The following AGTPBP1 variants were observed in gnomAD, a reference collection of about 807,000 sequenced individuals.
AGTPBP1 encodes ATP/GTP binding carboxypeptidase 1.
AGTPBP1 carries 70 observed loss-of-function variants against 143.9 expected under a neutral mutation model. The ratio of observed to expected loss-of-function variants is 0.49; its 90% confidence interval spans 0.40 to 0.59. The LOEUF (loss-of-function observed/expected upper bound fraction) is 0.59. AGTPBP1 is among the 20% of genes least tolerant of loss of function. The pLI is 0.00. For missense variants in AGTPBP1, 1,229 were observed against 1,464.5 expected (o/e 0.84, Z 2.62); for synonymous variants, 463 against 500.2 (o/e 0.93, Z 0.99).
chr9:85,639,266 A>G (rs1248755873), intron 13 of AGTPBP1, among the ~76,000 whole-genome samples: 2 of 152,198 alleles, frequency 1.3e-5, no homozygotes, highest in South Asian at 2.1e-4. Flanking sequence ...CTAAACATCA[A>G]AATTACTGCT....
At chr9:85,660,843 T>C (rs62569187) in intron 9 of AGTPBP1, 93 bp downstream of exon 9, 20,372 of 1,003,914 alleles carry the variant, frequency 0.02, 249 homozygotes, top group Middle Eastern at 0.031. Context: ...GCTTTATAAC[T>C]ATAGTCTAAA....
At chr9:85,564,218 G>A (rs758954632) in intron 25 of AGTPBP1, among the ~76,000 whole-genome samples, 10 of 152,254 alleles carry the variant, frequency 6.6e-5, no homozygotes, top group African/African-American at 9.6e-5. Context: ...AAGGTGGAAC[G>A]GCAGCCCCAG....
the AGTPBP1 span, among the ~76,000 whole-genome samples, chr9:85,783,459 G>C: frequency 6.6e-6 from 1 of 152,036 alleles, no homozygotes; most frequent in African/African-American, 2.4e-5. Flanking sequence ...TGGGGATATA[G>C]CTTACACTAT....
At chr9:85,702,859 G>T (rs1424714526) in intron 2 of AGTPBP1, among the ~76,000 whole-genome samples, 2 of 151,852 alleles carry the variant, frequency 1.3e-5, no homozygotes, top group African/African-American at 4.8e-5. Context: ...CATGCTATTG[G>T]TTTACATAAT....
chr9:85,619,257 T>C lies in AGTPBP1; in HGVS notation c.2144A>G (p.Lys715Arg). 1.2e-6 allele frequency: 2 copies of C among 1,613,236 alleles called. No homozygotes were observed. Among genetic ancestry groups the C allele is most frequent in the South Asian group, 2.2e-5 (2 of 90,936 alleles). Reference sequence around the variant, plus strand: ...TTTGCGCAGATTCCCAGACTCAAATTTGGAGTTAAATTTCAAAATATCTCC... The same window carrying C: ...TTTGCGCAGATTCCCAGACTCAAATCTGGAGTTAAATTTCAAAATATCTCC... ...EEGDILKFNS[K>R]FESGNLRKVI... Residue 715 changes from lysine (K) to arginine (R), a missense_variant, in exon 16 of 26, where the codon AAA becomes AGA. Physicochemically the swap from Lys to Arg is conservative, Grantham distance 26 (BLOSUM62 2). Around this residue, in one of 2 missense-constraint regions of AGTPBP1, gnomAD observed 486 missense variants for 652.3 expected, o/e 0.75. Transcript: ENST00000357081.
At chr9:85,798,458 C>A in the AGTPBP1 span, among the ~76,000 whole-genome samples, 1 of 151,534 alleles carries the variant, frequency 6.6e-6, no homozygotes, top group Admixed American at 6.6e-5. Context: ...ACCTCCGCCT[C>A]CTGGGTTCAA....
At chr9:85,650,555 T>C (rs1833101398) in intron 11 of AGTPBP1, among the ~76,000 whole-genome samples, 1 of 152,216 alleles carries the variant, frequency 6.6e-6, no homozygotes, top group African/African-American at 2.4e-5. Context: ...GTAAGGTTTC[T>C]GGTCAACAGG....
At chr9:85,650,494 G>A (rs557184300) in intron 11 of AGTPBP1, among the ~76,000 whole-genome samples, 5 of 152,134 alleles carry the variant, frequency 3.3e-5, no homozygotes, top group Non-Finnish European at 5.9e-5. Context: ...TTACTTTGTT[G>A]TACAGAATAC....
chr9:85,747,803 T>C, the AGTPBP1 span, among the ~76,000 whole-genome samples: 1 of 152,088 alleles, frequency 6.6e-6, no homozygotes, highest in African/African-American at 2.4e-5. Flanking sequence ...AAAGAACTGG[T>C]AATAATAATA....
rs1242872325 is a variant in AGTPBP1 at position 85,655,189 on chromosome 9, A to C, written c.1041T>G (p.Ile347Met). The C allele has an allele frequency of 6.2e-7, 1 of 1,613,666 alleles. No individual in the cohort carries two copies. The highest frequency in any genetic ancestry group is 1.1e-5 in the South Asian group (1 of 90,992). ...KSSFHFQLPVIPVTGPVAQLY... is the reference protein window; with the variant it reads ...KSSFHFQLPVMPVTGPVAQLY... ...GCTGAGCCACAGGACCAGTCACAGG[A>C]ATAACAGGCAACTGGAAATGAAAAG... The change falls in exon 11 of 26, where the codon ATT becomes ATG. Residue 347 changes from isoleucine to methionine, a missense_variant. Coordinates refer to ENST00000357081, the MANE Select transcript of AGTPBP1 (RefSeq NM_001330701.2).
At chr9:85,716,009 C>CT in intron 1 of AGTPBP1, among the ~76,000 whole-genome samples, 1 of 151,958 alleles carries the variant, frequency 6.6e-6, no homozygotes, top group South Asian at 2.1e-4. Flanking sequence ...AATTCAGCTA[C>CT]TGTCCCATTT....
chr9:85,553,997 A>C (rs1826183685), intron 25 of AGTPBP1: 1 of 152,266 alleles, frequency 6.6e-6, no homozygotes, highest in Non-Finnish European at 1.5e-5. Flanking sequence ...ACAGAAATTC[A>C]GAATGAACAT....
At chr9:85,669,808 A>C (rs1343288836) in intron 7 of AGTPBP1, among the ~76,000 whole-genome samples, 3 of 151,850 alleles carry the variant, frequency 2.0e-5, no homozygotes, top group African/African-American at 4.8e-5. Flanking sequence ...AAAAAAAAAA[A>C]AAACCACTAT....
the AGTPBP1 span, chr9:85,786,622 C>A: frequency 1.3e-6 from 2 of 1,513,070 alleles, no homozygotes; most frequent in Admixed American, 4.5e-5. Flanking sequence ...TAAAAAGATT[C>A]CTTTTTCTAA....
chr9:85,696,433 T>C (rs1429122737), intron 2 of AGTPBP1, among the ~76,000 whole-genome samples: 1 of 152,074 alleles, frequency 6.6e-6, no homozygotes, highest in East Asian at 1.9e-4. Context: ...TTTGGGAGGC[T>C]GAGGTGGGCA....
At chr9:85,798,509 G>A in the AGTPBP1 span, among the ~76,000 whole-genome samples, 42 of 151,808 alleles carry the variant, frequency 2.8e-4, no homozygotes, top group Admixed American at 5.9e-4. Context: ...TGGGATTACA[G>A]GTGTGTGCCA....
chr9:85,644,804 C>A (rs1832713673), intron 12 of AGTPBP1, among the ~76,000 whole-genome samples: 1 of 151,954 alleles, frequency 6.6e-6, no homozygotes, highest in South Asian at 2.1e-4. Flanking sequence ...ATAATACCCC[C>A]ACTATGATGT....
the AGTPBP1 span, among the ~76,000 whole-genome samples, chr9:85,749,599 A>T: frequency 6.6e-6 from 1 of 152,234 alleles, no homozygotes; most frequent in East Asian, 1.9e-4. Context: ...AGGTCCATGG[A>T]TAGGCTTTGA....
chr9:85,602,492 T>A (rs550504651), intron 17 of AGTPBP1, among the ~76,000 whole-genome samples: 2 of 152,136 alleles, frequency 1.3e-5, no homozygotes, highest in Non-Finnish European at 2.9e-5. Flanking sequence ...AAAGCCTACA[T>A]GACATATGGC....
Sources: allele counts gnomAD v4.1 joint callset (sites outside exome capture counted in the v4.1 genomes callset), GRCh38; gene constraint gnomAD v4.1.1; regional missense constraint gnomAD v4.1.1; transcripts MANE v1.5; gene names NCBI Gene and HGNC (gene_info 2026-07-23, HGNC 2026-07-21).